RBFOX1: variants seen among roughly 807,000 people sequenced by gnomAD.
RBFOX1 encodes RNA binding fox-1 homolog 1, also known as RNA binding protein fox-1 homolog 1.
A neutral mutation model predicts 57.7 loss-of-function variants in RBFOX1; 8 were observed. The ratio of observed to expected loss-of-function variants is 0.14; its 90% CI spans 0.08 to 0.25. RBFOX1 has a LOEUF of 0.25. RBFOX1 is among the 10% of genes least tolerant of loss of function. The pLI is 1.00. For synonymous variants in RBFOX1, 326 were observed against 222.4 expected (o/e 1.47, Z -4.15); for missense variants, 611 against 548.5 (o/e 1.11, Z -1.14).
chr16:7,413,424 C>T (rs1048869842), intron 4 of RBFOX1, among the ~76,000 whole-genome samples: 1 of 152,102 alleles, frequency 6.6e-6, no homozygotes, highest in South Asian at 2.1e-4. Flanking sequence ...GTTCCTGATT[C>T]ACTGGGTCTG....
chr16:5,979,870 A>T (rs2060137908), intron 4 of RBFOX1, among the ~76,000 whole-genome samples: 1 of 152,136 alleles, frequency 6.6e-6, no homozygotes, highest in South Asian at 2.1e-4. Context: ...CAAAGAAAGA[A>T]AGAAATTAAA....
chr16:5,498,640 C>G (rs1381520170), intron 2 of RBFOX1, among the ~76,000 whole-genome samples: 2 of 152,166 alleles, frequency 1.3e-5, no homozygotes, highest in African/African-American at 4.8e-5. Context: ...ATAGCTCAGG[C>G]TAGGCTGTTG....
At chr16:7,513,693 G>A (rs1446778060) in intron 4 of RBFOX1, among the ~76,000 whole-genome samples, 2 of 152,128 alleles carry the variant, frequency 1.3e-5, no homozygotes, top group Admixed American at 1.3e-4. Flanking sequence ...AAGAACTACC[G>A]GTATGAGGCG....
chr16:6,243,476 G>T (rs2097550887), intron 1 of RBFOX1, among the ~76,000 whole-genome samples: 2 of 152,076 alleles, frequency 1.3e-5, no homozygotes. Flanking sequence ...CTGCTTTCCA[G>T]CTGCAGCCTC....
intron 3 of RBFOX1, among the ~76,000 whole-genome samples, chr16:5,862,309 G>T (rs768215256): frequency 6.6e-6 from 1 of 152,182 alleles, no homozygotes; most frequent in Non-Finnish European, 1.5e-5. Context: ...AAGCCTTCCC[G>T]GTCCGGCACC....
intron 4 of RBFOX1, among the ~76,000 whole-genome samples, chr16:5,950,234 T>C (rs1282409862): frequency 6.6e-6 from 1 of 152,150 alleles, no homozygotes; most frequent in Non-Finnish European, 1.5e-5. Flanking sequence ...AGCAGAACAT[T>C]CACTAAGCAT....
At chr16:6,848,758 C>T (rs1012909250) in intron 3 of RBFOX1, among the ~76,000 whole-genome samples, 21 of 151,948 alleles carry the variant, frequency 1.4e-4, no homozygotes, top group Non-Finnish European at 2.2e-4. Context: ...GTCACATTGC[C>T]AAGTAGAAGA....
chr16:6,239,242 A>T (rs1363526650), intron 1 of RBFOX1, among the ~76,000 whole-genome samples: 1 of 151,922 alleles, frequency 6.6e-6, no homozygotes, highest in Non-Finnish European at 1.5e-5. Flanking sequence ...CTTTGCTTTG[A>T]TGTTCGTCTT....
At chr16:7,464,095 G>T (rs539335043) in intron 4 of RBFOX1, among the ~76,000 whole-genome samples, 1 of 152,214 alleles carries the variant, frequency 6.6e-6, no homozygotes, top group African/African-American at 2.4e-5. Context: ...TTTATGATCT[G>T]CTTACTTGTA....
At chr16:7,079,271 A>G (rs76573332) in intron 4 of RBFOX1, among the ~76,000 whole-genome samples, 1,528 of 152,254 alleles carry the variant, frequency 0.01, 30 homozygotes, top group African/African-American at 0.035. Context: ...CTCTGCCCCA[A>G]CTGGAGCTTG....
At chr16:6,949,347 C>T (rs116192892) in intron 3 of RBFOX1, among the ~76,000 whole-genome samples, 45 of 152,298 alleles carry the variant, frequency 3.0e-4, no homozygotes, top group African/African-American at 1.0e-3. Flanking sequence ...TGTTCCTTCC[C>T]TTCAGTGAAA....
chr16:6,536,085 G>T (rs940750622), intron 2 of RBFOX1, among the ~76,000 whole-genome samples: 2 of 152,126 alleles, frequency 1.3e-5, no homozygotes, highest in Non-Finnish European at 2.9e-5. Flanking sequence ...AGGTGATACA[G>T]GAGTATTAAT....
chr16:6,641,734 CAAAAAAAAAAAAAAAAAAAAAAAA>C (rs869202831), intron 2 of RBFOX1, among the ~76,000 whole-genome samples: 783 of 68,882 alleles, frequency 0.011, 12 homozygotes, highest in African/African-American at 0.046. Context: ...GACTCCGTCT[CAAAAAAAAAAAAAAAAAAAAAAAA>C]AAAAAAAAAA....
chr16:7,586,189 G>A (rs1002960818), intron 6 of RBFOX1, among the ~76,000 whole-genome samples: 1 of 151,900 alleles, frequency 6.6e-6, no homozygotes, highest in Non-Finnish European at 1.5e-5. Context: ...TTTTTCCCTG[G>A]GCCACAGTAC....
intron 4 of RBFOX1, among the ~76,000 whole-genome samples, chr16:7,145,248 A>T (rs1763074104): frequency 6.6e-6 from 1 of 152,076 alleles, no homozygotes. Flanking sequence ...TCTGTTGCCC[A>T]GGCTGGAGTG....
chr16:6,732,405 C>T (rs111758409), intron 3 of RBFOX1, among the ~76,000 whole-genome samples: 1 of 152,218 alleles, frequency 6.6e-6, no homozygotes, highest in Non-Finnish European at 1.5e-5. Context: ...CAGGTGACCT[C>T]TCTGGCCCAA....
chr16:5,577,311 A>C (rs923827889), intron 2 of RBFOX1, among the ~76,000 whole-genome samples: 1 of 152,184 alleles, frequency 6.6e-6, no homozygotes, highest in Non-Finnish European at 1.5e-5. Context: ...TTGTAGTGGG[A>C]TCAAGCTCTT....
intron 4 of RBFOX1, among the ~76,000 whole-genome samples, chr16:7,180,323 A>G (rs2082452352): frequency 6.6e-6 from 1 of 152,170 alleles, no homozygotes; most frequent in Non-Finnish European, 1.5e-5. Context: ...TTCAGATAGA[A>G]AACTGAGGCT....
In RBFOX1 at chr16:7,322,161, T is replaced by C. The variant is rs145667635; in HGVS notation, c.28-195986T>C. 6.8e-3 allele frequency among the ~76,000 whole-genome samples: 1,043 copies of C among 152,372 alleles called. 5 individuals are homozygous for C. Among genetic ancestry groups the C allele is most frequent in the South Asian group, 0.028 (133 of 4,830 alleles). ...CTGGTCTGAAGCTGGAGAAAAAAGC[T>C]TCAGCAGAGAGAAGCCATCTCCTGT... On this transcript the variant is annotated intron_variant, in intron 4 of 15. Transcript: ENST00000550418.
Sources: gnomAD v4.1 joint callset for allele counts (sites outside exome capture counted in the v4.1 genomes callset) on GRCh38, gnomAD v4.1.1 for gene constraint, MANE v1.5 for transcripts, NCBI Gene and HGNC (gene_info 2026-07-23, HGNC 2026-07-21) for gene names.